The following PRXL2C variants were observed in gnomAD, a reference collection of about 807,000 sequenced individuals.
PRXL2C encodes peroxiredoxin-like 2C.
In PRXL2C, 38 loss-of-function variants were observed where a neutral mutation model predicts 24.9. The observed-to-expected ratio is 1.53, with a 90% CI of 1.18 to 2.00. The LOEUF (loss-of-function observed/expected upper bound fraction) is 2.00, where lower values mean the gene tolerates loss of function less well. Among genes scored for constraint, PRXL2C ranks in the 30% most tolerant of loss-of-function variants. The pLI is 0.00. For synonymous variants in PRXL2C, 98 were observed against 117.2 expected, an observed-to-expected ratio of 0.84 and a Z score of 1.06; for missense variants, 294 against 290.9, an observed-to-expected ratio of 1.01 and a Z score of -0.08.
At chr9:96,644,362 A>G (rs759852737) in intron 5 of PRXL2C, among the ~76,000 whole-genome samples, 6 of 152,154 alleles carry the variant, frequency 3.9e-5, no homozygotes, top group Non-Finnish European at 7.3e-5. Context: ...GATGTCCACA[A>G]TCCCTACATC....
intron 5 of PRXL2C, among the ~76,000 whole-genome samples, chr9:96,645,155 C>G (rs572639472): frequency 1.3e-5 from 2 of 151,060 alleles, no homozygotes; most frequent in African/African-American, 4.9e-5. Context: ...GTGATCCGCC[C>G]GCCTTGGCCT....
At chr9:96,650,076 C>T (rs1380685994) in intron 4 of PRXL2C, among the ~76,000 whole-genome samples, 1 of 152,220 alleles carries the variant, frequency 6.6e-6, no homozygotes, top group Non-Finnish European at 1.5e-5. Context: ...GAGACTTCAT[C>T]TCCTCTGAGA....
At position 96,655,216 on chromosome 9, in the gene PRXL2C, G is replaced by A; in HGVS notation, c.66C>T (p.Ser22=). The change falls in exon 1 of 6, where the codon AGC becomes AGT. Residue 22 remains serine (S), a synonymous_variant. Transcript: ENST00000375234. ...SGAAALVPAP[S]GPDSGQPLAA... ...CCAGGGGCTGCCCGCTGTCGGGGCC[G>A]CTCGGGGCCGGGACCAGGGCGGCGG... 1 of 1,159,968 alleles carries A rather than the reference G, an allele frequency of 8.6e-7. No individual in the cohort carries two copies. Among genetic ancestry groups the A allele is most frequent in the Non-Finnish European group, 1.1e-6 (1 of 943,516 alleles). The allele number at this position is 1,159,968 out of a possible 1,614,324, so 71.9% of individuals were successfully genotyped here.
In PRXL2C at chr9:96,639,928, A is replaced by C. The variant is rs1848092854; in HGVS notation, c.*1831T>G. On this transcript the variant is annotated 3_prime_UTR_variant, in exon 6 of 6. Coordinates refer to ENST00000375234, the MANE Select transcript of PRXL2C (RefSeq NM_153698.2). ...ACCGACATGGAGAAACTCCATCTTT[A>C]CTAAAAAATAGAAACTTAGCCAGGC... 6.6e-6 allele frequency: 1 copy of C among 151,742 alleles called. No homozygotes were observed. Among genetic ancestry groups the C allele is most frequent in the Admixed American group, 6.6e-5 (1 of 15,214 alleles). 9.4% of individuals were successfully genotyped at this position (151,742 alleles called of 1,614,324 possible).
chr9:96,643,461 T>C (rs969255686), intron 5 of PRXL2C, among the ~76,000 whole-genome samples: 1 of 152,138 alleles, frequency 6.6e-6, no homozygotes, highest in Non-Finnish European at 1.5e-5. Flanking sequence ...TTAGTCAGGA[T>C]TGTCTCGATC....
At position 96,644,455 on chromosome 9, in the gene PRXL2C, A is replaced by G. The variant is rs961754044; in HGVS notation, c.553+1438T>C. On this transcript the variant is annotated intron_variant, in intron 5 of 5. Transcript: ENST00000375234. ...GTCCACACCCATCAATAAAGTTAAC[A>G]GTGTGTGGCTTATAGTCGGACCTCA... Among the ~76,000 whole-genome samples the G allele has an allele frequency of 2.0e-5, 3 of 152,160 alleles. No individual in the cohort carries two copies. The South Asian group carries it at 6.2e-4, about 31-fold the overall frequency.
Position 96,654,694 on chromosome 9 carries a change from G to A in PRXL2C, c.261+11C>T, listed in dbSNP as rs763512025. 6.4e-7 allele frequency: 1 copy of A among 1,557,622 alleles called. No homozygotes were observed. Among genetic ancestry groups the A allele is most frequent in the Non-Finnish European group, 8.7e-7 (1 of 1,149,618 alleles). On this transcript the variant is annotated intron_variant, in intron 2 of 5. Transcript: ENST00000375234. ...AAGCGGGCACTGGGCCGCCCACGCT[G>A]GGAAACTCACTTGTAAGAAACTCCT...
rs535080700 is a variant in PRXL2C at position 96,652,953 on chromosome 9, C to A, written c.262-1241G>T. On this transcript the variant is annotated intron_variant, in intron 2 of 5. Transcript: ENST00000375234. The stretch of plus-strand genomic sequence containing the variant: ...TAAAGAAAATGCGGTATCGGCCGGG[C>A]GCGGTGGCTCACGCCTGTAATCCCA... 1.2e-3 allele frequency among the ~76,000 whole-genome samples: 182 copies of A among 152,212 alleles called. 1 individual carries two copies. Among genetic ancestry groups the A allele is most frequent in the African/African-American group, 4.2e-3 (174 of 41,548 alleles).
chr9:96,645,970 C>T lies in PRXL2C; in HGVS notation c.476G>A (p.Trp159Ter). Residue 159 changes from tryptophan (W) to a stop codon, truncating the protein, a stop_gained, in exon 5 of 6, where the codon TGG becomes TAG. Transcript: ENST00000375234. LOFTEE classifies it high-confidence loss of function. The stretch of plus-strand genomic sequence containing the variant: ...AAAGAGAGGGCCAGTCACTGCCCGC[C>T]ACAGGCTCTGAAGGCTTCCTGAGAG... ...NLLSGSLQSL[W>*]RAVTGPLFDF... 6.2e-7 allele frequency: 1 copy of T among 1,613,858 alleles called. No individual in the cohort carries two copies. Among genetic ancestry groups the T allele is most frequent in the East Asian group, 2.2e-5 (1 of 44,864 alleles).
chr9:96,645,716 G>C (rs1848189020), intron 5 of PRXL2C, among the ~76,000 whole-genome samples, 177 bp downstream of exon 5: 1 of 150,998 alleles, frequency 6.6e-6, no homozygotes, highest in Non-Finnish European at 1.5e-5. Context: ...AGAATGGCGT[G>C]AACCCGGGAG....
Position 96,652,776 on chromosome 9 carries a change from T to C in PRXL2C, c.262-1064A>G, listed in dbSNP as rs928690523. On this transcript the variant is annotated intron_variant, in intron 2 of 5. Transcript: ENST00000375234. ...GTTATTAAAATTAAAAATAGAAATA[T>C]AATATGATCCAGCAATCCCACTACT... is the stretch of plus-strand genomic sequence containing the variant. 2.0e-5 allele frequency among the ~76,000 whole-genome samples: 3 copies of C among 152,094 alleles called. No individual in the cohort carries two copies. The East Asian group carries it at 5.8e-4, about 29-fold the overall frequency.
At chr9:96,642,546 ATTTT>A (rs1212733244) in intron 5 of PRXL2C, among the ~76,000 whole-genome samples, 1 of 134,924 alleles carries the variant, frequency 7.4e-6, no homozygotes, top group Non-Finnish European at 1.6e-5. Flanking sequence ...GCACGTTTTC[ATTTT>A]TTTTTTTTTT....
At chr9:96,641,974 T>A in intron 5 of PRXL2C, 88 bp from the exon 6 acceptor site, 1 of 1,195,740 alleles carries the variant, frequency 8.4e-7, no homozygotes, top group Non-Finnish European at 1.1e-6. Context: ...TTTCAACCTT[T>A]AATTAGTCCA....
At chr9:96,652,992 C>A (rs143100897) in intron 2 of PRXL2C, among the ~76,000 whole-genome samples, 2,247 of 152,134 alleles carry the variant, frequency 0.015, 51 homozygotes, top group African/African-American at 0.05. Flanking sequence ...CTTTGGGAGG[C>A]CAAGGCGGGC....
chr9:96,640,464 C>G lies in PRXL2C; in HGVS notation c.*1295G>C, dbSNP rs2119164951. Reference sequence around the variant, plus strand: ...CCAAGGAGGCGGAAGTTGCAGTGAGCTGAGATTGAGCCATTGCACTCCAGC... The same window carrying G: ...CCAAGGAGGCGGAAGTTGCAGTGAGGTGAGATTGAGCCATTGCACTCCAGC... On this transcript the variant is annotated 3_prime_UTR_variant, in exon 6 of 6. Transcript: ENST00000375234. 1 of 121,458 alleles carries G rather than the reference C, an allele frequency of 8.2e-6. No individual in the cohort carries two copies. Among genetic ancestry groups the G allele is most frequent in the South Asian group, 2.8e-4 (1 of 3,518 alleles). The allele number at this position is 121,458 out of a possible 1,614,324, so 7.5% of individuals were successfully genotyped here. A position where few individuals can be genotyped will look rare whatever the true frequency, so the allele number is the denominator to read the frequency against.
chr9:96,648,916 G>A (rs965584429), intron 4 of PRXL2C, among the ~76,000 whole-genome samples: 7 of 152,064 alleles, frequency 4.6e-5, no homozygotes, highest in Non-Finnish European at 1.0e-4. Flanking sequence ...TGGGATTACA[G>A]ATGTGCACCA....
At chr9:96,642,001 A>G in intron 5 of PRXL2C, 115 bp from the exon 6 acceptor site, 1 of 792,770 alleles carries the variant, frequency 1.3e-6, no homozygotes, top group Non-Finnish European at 1.8e-6. Flanking sequence ...AAAATTAATT[A>G]CCTGGAGTGC....
rs1400281413 is a variant in PRXL2C, at chr9:96,655,138, C to A, written c.144G>T (p.Pro48=). The change falls in exon 1 of 6, where the codon CCG becomes CCT. Residue 48 remains proline, a synonymous_variant. Transcript: ENST00000375234. ...PVLDARGQRV[P]FGALFRERRA... The stretch of plus-strand genomic sequence containing the variant: ...GGCGCTCCCGGAACAGCGCGCCGAA[C>A]GGTACCCGCTGCCCGCGGGCGTCCA... 1 of 1,365,002 alleles carries A rather than the reference C, an allele frequency of 7.3e-7. No homozygotes were observed. The highest frequency in any genetic ancestry group is 9.4e-7 in the Non-Finnish European group (1 of 1,063,326). 84.6% of individuals were successfully genotyped at this position (1,365,002 alleles called of 1,614,324 possible).
intron 4 of PRXL2C, among the ~76,000 whole-genome samples, chr9:96,646,812 T>C (rs921238562): frequency 6.6e-6 from 1 of 152,142 alleles, no homozygotes; most frequent in Admixed American, 6.5e-5. Context: ...TTTTTTGAGA[T>C]GGAGTTTCAC....
Sources: gnomAD v4.1 joint callset for allele counts (sites outside exome capture counted in the v4.1 genomes callset) on GRCh38, gnomAD v4.1.1 for gene constraint, MANE v1.5 for transcripts, NCBI Gene and HGNC (gene_info 2026-07-23, HGNC 2026-07-21) for gene names.